The following MARCHF4 variants were observed in gnomAD, a reference collection of about 807,000 sequenced individuals.
MARCHF4 encodes E3 ubiquitin-protein ligase MARCHF4.
MARCHF4 carries 14 observed loss-of-function variants against 43.9 expected under a neutral mutation model. The ratio of observed to expected loss-of-function variants is 0.32; its 90% CI spans 0.21 to 0.50. The LOEUF is 0.50. Ranked by LOEUF, MARCHF4 falls within the 20% of genes least tolerant of loss-of-function variation. The probability of loss-of-function intolerance (pLI) is 0.98; values close to 1 mark genes in which losing one functional copy is unlikely to be tolerated. For synonymous variants in MARCHF4, 226 were observed against 213.3 expected (o/e 1.06, Z -0.52); for missense variants, 468 against 536.7 (o/e 0.87, Z 1.27).
intron 1 of MARCHF4, among the ~76,000 whole-genome samples, chr2:216,329,691 T>C (rs1692054335): frequency 6.6e-6 from 1 of 151,268 alleles, no homozygotes; most frequent in Non-Finnish European, 1.5e-5. Context: ...AGTAATTACA[T>C]TAAATGTAAA....
chr2:216,344,860 A>G (rs573734164), intron 1 of MARCHF4, among the ~76,000 whole-genome samples: 2 of 151,990 alleles, frequency 1.3e-5, no homozygotes, highest in South Asian at 4.2e-4. Context: ...AAAATCCTGG[A>G]ATGAGCTGGG....
chr2:216,298,447 G>A (rs1045542503), intron 1 of MARCHF4, among the ~76,000 whole-genome samples: 5 of 151,728 alleles, frequency 3.3e-5, no homozygotes, highest in African/African-American at 1.2e-4. Context: ...TGTATTTTTT[G>A]TAGAAATGGG....
intron 1 of MARCHF4, among the ~76,000 whole-genome samples, chr2:216,296,062 A>C (rs1292187957): frequency 1.3e-5 from 2 of 152,080 alleles, no homozygotes; most frequent in East Asian, 3.9e-4. Flanking sequence ...AGGAGGATCG[A>C]TTGAACCTGG....
intron 1 of MARCHF4, among the ~76,000 whole-genome samples, chr2:216,332,446 A>AC (rs1042750024): frequency 6.6e-5 from 10 of 150,876 alleles, no homozygotes; most frequent in African/African-American, 2.4e-4. Flanking sequence ...AAAACCCGAA[A>AC]CCCCCCAAAT....
At chr2:216,308,043 G>A (rs944032821) in intron 1 of MARCHF4, among the ~76,000 whole-genome samples, 5 of 151,168 alleles carry the variant, frequency 3.3e-5, no homozygotes, top group African/African-American at 9.7e-5. Context: ...GTAACAAAGC[G>A]AGACCCTATC....
At chr2:216,332,283 C>A (rs1574480099) in intron 1 of MARCHF4, among the ~76,000 whole-genome samples, 1 of 151,450 alleles carries the variant, frequency 6.6e-6, no homozygotes, top group African/African-American at 2.4e-5. Flanking sequence ...TCCCAGCTAC[C>A]CAGGACGCTG....
At position 216,369,738 on chromosome 2, in the gene MARCHF4, G is replaced by T. The variant is rs775159687; in HGVS notation, c.516+7C>A. 2.6e-6 allele frequency: 4 copies of T among 1,558,532 alleles called. No individual in the cohort carries two copies. In the South Asian group the frequency reaches 4.8e-5, roughly 19 times the overall value. On this transcript the variant is annotated splice_region_variant and intron_variant, in intron 1 of 3. Transcript: ENST00000273067. ...CAGGAAGCAGGAGAAGAGAAAAGGG[G>T]ACTCACCTGTTCTGGCCCCTGGAAG...
In MARCHF4 at chr2:216,259,244, C is replaced by T; in HGVS notation, c.*68G>A. On this transcript the variant is annotated 3_prime_UTR_variant, in exon 4 of 4. Transcript: ENST00000273067. ...CTCCCTCTGTTGGCTCTGGGGGTGC[C>T]ACTGCACCTCCCCACCCTGCTCCGG... 1 of 1,495,196 alleles carries T rather than the reference C, an allele frequency of 6.7e-7. No homozygotes were observed. The highest frequency in any genetic ancestry group is 1.4e-5 in the African/African-American group (1 of 71,602). The allele number at this position is 1,495,196 out of a possible 1,614,324, so 92.6% of individuals were successfully genotyped here.
chr2:216,361,991 A>G (rs1692590125), intron 1 of MARCHF4, among the ~76,000 whole-genome samples: 1 of 152,224 alleles, frequency 6.6e-6, no homozygotes, highest in African/African-American at 2.4e-5. Flanking sequence ...TTTATAAACA[A>G]TAAAATCTAG....
chr2:216,271,954 C>A (rs552990181), intron 3 of MARCHF4, among the ~76,000 whole-genome samples: 2 of 120,984 alleles, frequency 1.7e-5, no homozygotes, highest in African/African-American at 7.1e-5. Context: ...CCACACCTGG[C>A]TAATTTTTTT....
chr2:216,338,954 C>T (rs1293213092), intron 1 of MARCHF4, among the ~76,000 whole-genome samples: 1 of 152,162 alleles, frequency 6.6e-6, no homozygotes, highest in African/African-American at 2.4e-5. Context: ...CCAAAAGGCA[C>T]AGCAAGCAAG....
At chr2:216,343,893 C>T (rs1056133893) in intron 1 of MARCHF4, among the ~76,000 whole-genome samples, 3 of 152,126 alleles carry the variant, frequency 2.0e-5, no homozygotes, top group African/African-American at 4.8e-5. Flanking sequence ...ATAGTAATAT[C>T]TGTAACTGCA....
At chr2:216,340,185 T>G (rs1465356100) in intron 1 of MARCHF4, among the ~76,000 whole-genome samples, 1 of 152,168 alleles carries the variant, frequency 6.6e-6, no homozygotes, top group Admixed American at 6.5e-5. Context: ...CCACAAAGCC[T>G]GCTGCCAGAT....
chr2:216,354,944 T>TTTCTTTCTTTC (rs1692469962), intron 1 of MARCHF4, among the ~76,000 whole-genome samples: 2 of 142,800 alleles, frequency 1.4e-5, no homozygotes, highest in African/African-American at 5.4e-5. Context: ...TCTTTCTTTC[T>TTTCTTTCTTTC]TTCTTTCTTT....
intron 1 of MARCHF4, among the ~76,000 whole-genome samples, chr2:216,345,907 T>C (rs1692312211): frequency 6.6e-6 from 1 of 151,732 alleles, no homozygotes; most frequent in South Asian, 2.1e-4. Flanking sequence ...TAGGAGGGTC[T>C]CCGAGATCAC....
At chr2:216,321,260 G>A (rs1691891447) in intron 1 of MARCHF4, among the ~76,000 whole-genome samples, 1 of 152,070 alleles carries the variant, frequency 6.6e-6, no homozygotes, top group Admixed American at 6.5e-5. Context: ...TATGTGCCAG[G>A]CAATAGGAAT....
At position 216,358,795 on chromosome 2, in the gene MARCHF4, G is replaced by A. The variant is rs558228964; in HGVS notation, c.516+10950C>T. The stretch of plus-strand genomic sequence containing the variant: ...CCCACCCCTATTGCTGTTAGGCAGA[G>A]CCATGTTCCTAGATGCAGCCAGGCA... On this transcript the variant is annotated intron_variant, in intron 1 of 3. Transcript: ENST00000273067. Among the ~76,000 whole-genome samples the A allele has an allele frequency of 2.0e-5, 3 of 152,314 alleles. No individual in the cohort carries two copies. The South Asian group carries it at 6.2e-4, about 32-fold the overall frequency.
chr2:216,320,052 C>G (rs1192480524), intron 1 of MARCHF4, among the ~76,000 whole-genome samples: 1 of 152,106 alleles, frequency 6.6e-6, no homozygotes, highest in Non-Finnish European at 1.5e-5. Flanking sequence ...TTCTTCCTCT[C>G]CCCAGTGTGA....
chr2:216,347,406 G>A (rs1692338147), intron 1 of MARCHF4, among the ~76,000 whole-genome samples: 1 of 152,156 alleles, frequency 6.6e-6, no homozygotes, highest in South Asian at 2.1e-4. Flanking sequence ...TAGTAATCCA[G>A]GAGCAAGAGA....
Sources: allele counts gnomAD v4.1 joint callset (sites outside exome capture counted in the v4.1 genomes callset), GRCh38; gene constraint gnomAD v4.1.1; transcripts MANE v1.5; gene names NCBI Gene and HGNC (gene_info 2026-07-23, HGNC 2026-07-21).